The following FAAH2 variants were observed in gnomAD, a reference collection of about 807,000 sequenced individuals.
FAAH2 encodes fatty acid amide hydrolase 2.
Under a neutral mutation model 36.9 loss-of-function variants are expected in FAAH2, and 60 were observed. The observed-to-expected ratio is 1.63, with a 90% CI of 1.32 to 2.02. The LOEUF (loss-of-function observed/expected upper bound fraction) is 2.02, where lower values mean the gene tolerates loss of function less well. Ranked by LOEUF, FAAH2 falls within the 30% of genes most tolerant of loss-of-function variation. The probability of loss-of-function intolerance (pLI) is 0.00; values close to 1 mark genes in which losing one functional copy is unlikely to be tolerated. For synonymous variants in FAAH2, 214 were observed against 143.8 expected (o/e 1.49, Z -3.49); for missense variants, 689 against 397.5 (o/e 1.73, Z -6.23).
the FAAH2 span, among the ~76,000 whole-genome samples, chrX:57,232,660 T>A: frequency 8.9e-6 from 1 of 112,402 alleles, no homozygotes; most frequent in African/African-American, 3.2e-5. Context: ...TGTATTTATA[T>A]TCCTTTGCCA....
At chrX:57,305,062 TTGTGTGTGTG>T (rs60804398) in intron 2 of FAAH2, among the ~76,000 whole-genome samples, 4 of 103,812 alleles carry the variant, frequency 3.9e-5, no homozygotes, top group Admixed American at 2.1e-4. Flanking sequence ...TTCTGTAATT[TTGTGTGTGTG>T]TGTGTGTGTG....
chrX:57,152,015 C>G, the FAAH2 span, among the ~76,000 whole-genome samples: 4 of 111,897 alleles, frequency 3.6e-5, no homozygotes, highest in Non-Finnish European at 5.6e-5. Context: ...GCTACAGGTC[C>G]ACTCCAGACC....
the FAAH2 span, among the ~76,000 whole-genome samples, chrX:57,169,869 A>C: frequency 9.8e-6 from 1 of 101,700 alleles, no homozygotes; most frequent in Non-Finnish European, 2.0e-5. Context: ...TCTCCTTCTA[A>C]ACACACACAC....
At chrX:57,195,514 T>C in the FAAH2 span, among the ~76,000 whole-genome samples, 2 of 111,986 alleles carry the variant, frequency 1.8e-5, no homozygotes, top group African/African-American at 6.5e-5. Flanking sequence ...TTAGTCCTTT[T>C]TCAGATGCAG....
the FAAH2 span, among the ~76,000 whole-genome samples, chrX:57,266,177 G>A: frequency 9.0e-6 from 1 of 111,621 alleles, no homozygotes; most frequent in Non-Finnish European, 1.9e-5. Context: ...CCCAACAGGG[G>A]TCTTTAGCCA....
chrX:57,282,431 G>C (rs1162625301), upstream of FAAH2, among the ~76,000 whole-genome samples: 2 of 111,546 alleles, frequency 1.8e-5, no homozygotes, highest in African/African-American at 6.5e-5. Flanking sequence ...TTTATTGCTT[G>C]TTAAGTTTCT....
At chrX:57,256,869 C>T in the FAAH2 span, among the ~76,000 whole-genome samples, 1 of 111,501 alleles carries the variant, frequency 9.0e-6, no homozygotes, top group Non-Finnish European at 1.9e-5. Context: ...AAACCACATC[C>T]AAAAATTTGC....
chrX:57,271,541 C>T, the FAAH2 span, among the ~76,000 whole-genome samples: 1 of 112,157 alleles, frequency 8.9e-6, no homozygotes, highest in Admixed American at 9.4e-5. Flanking sequence ...GAAGGTGTAC[C>T]TCTGGGTCAA....
intron 4 of FAAH2, among the ~76,000 whole-genome samples, chrX:57,340,769 G>T (rs2053666953): frequency 9.0e-6 from 1 of 110,721 alleles, no homozygotes; most frequent in Admixed American, 9.7e-5. Context: ...ACACATGGTG[G>T]GGAACAACAC....
At chrX:57,315,205 A>G (rs1403819676) in intron 3 of FAAH2, among the ~76,000 whole-genome samples, 1 of 111,501 alleles carries the variant, frequency 9.0e-6, no homozygotes, top group Non-Finnish European at 1.9e-5. Context: ...AGATTGAATC[A>G]GGAAGAGAGT....
intron 5 of FAAH2, among the ~76,000 whole-genome samples, chrX:57,351,373 C>T (rs1353235884): frequency 1.8e-5 from 2 of 110,776 alleles, no homozygotes; most frequent in Non-Finnish European, 3.8e-5. Context: ...TAAAGGCTTA[C>T]GTCCAAAAAA....
chrX:57,349,645 T>C (rs1427850496), intron 5 of FAAH2, among the ~76,000 whole-genome samples: 1 of 107,711 alleles, frequency 9.3e-6, no homozygotes, highest in East Asian at 2.9e-4. Context: ...AAATAGACTA[T>C]ACAAAATAGA....
intron 8 of FAAH2, among the ~76,000 whole-genome samples, chrX:57,438,217 ATATAT>A (rs1481682478): frequency 5.1e-4 from 46 of 90,774 alleles, no homozygotes; most frequent in Non-Finnish European, 8.1e-4. Flanking sequence ...ATCACTATAT[ATATAT>A]CAGTATATAT....
At chrX:57,303,057 A>G (rs1383618854) in intron 2 of FAAH2, among the ~76,000 whole-genome samples, 1 of 110,829 alleles carries the variant, frequency 9.0e-6, no homozygotes, top group Non-Finnish European at 1.9e-5. Flanking sequence ...AGTTTGGGCA[A>G]TGCTAATGAA....
chrX:57,313,657 A>G (rs1461068856), intron 3 of FAAH2, among the ~76,000 whole-genome samples: 1 of 110,610 alleles, frequency 9.0e-6, no homozygotes, highest in Non-Finnish European at 1.9e-5. Context: ...CTCGCAAATA[A>G]GCTTCATAAA....
At chrX:57,373,174 C>A (rs2054593751) in intron 5 of FAAH2, among the ~76,000 whole-genome samples, 1 of 111,459 alleles carries the variant, frequency 9.0e-6, no homozygotes, top group East Asian at 2.8e-4. Flanking sequence ...CAATTGCAAA[C>A]TGTGCTGCTA....
At chrX:57,487,119 G>A (rs942502469) in intron 10 of FAAH2, among the ~76,000 whole-genome samples, 5 of 110,727 alleles carry the variant, frequency 4.5e-5, no homozygotes, top group African/African-American at 9.9e-5. Flanking sequence ...CACACCCACC[G>A]TATACAAAAA....
At chrX:57,271,451 C>A in the FAAH2 span, among the ~76,000 whole-genome samples, 1 of 112,095 alleles carries the variant, frequency 8.9e-6, no homozygotes, top group East Asian at 2.8e-4. Flanking sequence ...AGTCCCTGAC[C>A]CCCGTGTGTA....
chrX:57,365,370 G>T (rs1449240214), intron 5 of FAAH2, among the ~76,000 whole-genome samples: 1 of 112,082 alleles, frequency 8.9e-6, no homozygotes, highest in Non-Finnish European at 1.9e-5. Context: ...GTATAGGGAT[G>T]CTGATTATAG....
Sources: gnomAD v4.1 joint callset for allele counts (sites outside exome capture counted in the v4.1 genomes callset) on GRCh38, gnomAD v4.1.1 for gene constraint, MANE v1.5 for transcripts, NCBI Gene and HGNC (gene_info 2026-07-23, HGNC 2026-07-21) for gene names.